Variants in SRPK2 observed in about 807,000 individuals in gnomAD.
SRPK2 encodes SRSF protein kinase 2.
In SRPK2, 21 loss-of-function variants were observed where a neutral mutation model predicts 90.8. The observed-to-expected ratio is 0.23, with a 90% CI of 0.16 to 0.33. The LOEUF (loss-of-function observed/expected upper bound fraction) is 0.33. SRPK2 is among the 10% of genes least tolerant of loss of function. The probability of loss-of-function intolerance (pLI) is 1.00; values close to 1 mark genes in which losing one functional copy is unlikely to be tolerated. For missense variants in SRPK2, 620 were observed against 869.0 expected (o/e 0.71, Z 3.60); for synonymous variants, 288 against 311.1 (o/e 0.93, Z 0.78).
chr7:105,184,892 AG>A (rs1793376322), intron 3 of SRPK2, among the ~76,000 whole-genome samples: 1 of 152,190 alleles, frequency 6.6e-6, no homozygotes, highest in African/African-American at 2.4e-5. Flanking sequence ...ACTTTATGAT[AG>A]TTTTTATATA....
chr7:105,314,628 C>A (rs1748774022), intron 2 of SRPK2, among the ~76,000 whole-genome samples: 1 of 152,178 alleles, frequency 6.6e-6, no homozygotes, highest in East Asian at 1.9e-4. Flanking sequence ...AGGCGATCTG[C>A]CCGCCTTAGC....
At chr7:105,329,551 A>G (rs1026422190) in intron 2 of SRPK2, among the ~76,000 whole-genome samples, 6 of 150,300 alleles carry the variant, frequency 4.0e-5, no homozygotes, top group Non-Finnish European at 7.4e-5. Flanking sequence ...CCGAGATCGC[A>G]CCACCGCACT....
In SRPK2 at chr7:105,190,734, A is replaced by G. The variant is rs73715441; in HGVS notation, c.229+12894T>C. Among the ~76,000 whole-genome samples, 503 of 152,238 alleles carry G rather than the reference A, an allele frequency of 3.3e-3. 2 individuals are homozygous for G. Among genetic ancestry groups the G allele is most frequent in the African/African-American group, 0.011 (468 of 41,538 alleles). On this transcript the variant is annotated intron_variant, in intron 3 of 15. Transcript: ENST00000393651. Reference sequence around the variant, plus strand: ...GGAAGGCTCCAAGGACAAAGGCTAGATATCTCTTTAGGCAAGGTTAAATTC... The same window carrying G: ...GGAAGGCTCCAAGGACAAAGGCTAGGTATCTCTTTAGGCAAGGTTAAATTC...
intron 4 of SRPK2, 64 bp from the exon 5 acceptor site, chr7:105,168,159 T>C: frequency 7.4e-7 from 1 of 1,348,946 alleles, no homozygotes; most frequent in South Asian, 1.3e-5. Flanking sequence ...ATCACTGGTA[T>C]CCAGGTTGAG....
chr7:105,280,771 C>T (rs1807182311), intron 2 of SRPK2, among the ~76,000 whole-genome samples: 1 of 150,632 alleles, frequency 6.6e-6, no homozygotes, highest in Non-Finnish European at 1.5e-5. Flanking sequence ...CACAGTGAAA[C>T]CCCGTCTCTA....
At chr7:105,372,594 C>T (rs773158339) in intron 2 of SRPK2, among the ~76,000 whole-genome samples, 1 of 152,200 alleles carries the variant, frequency 6.6e-6, no homozygotes, top group Non-Finnish European at 1.5e-5. Flanking sequence ...ACTATTCACA[C>T]AAGTTGTACT....
In SRPK2 at chr7:105,116,378, G is replaced by GA. The variant is rs1036236852; in HGVS notation, c.*1459dup. 136 of 143,126 alleles carry GA rather than the reference G, an allele frequency of 9.5e-4. No individual in the cohort carries two copies. Among genetic ancestry groups the GA allele is most frequent in the Middle Eastern group, 7.2e-3 (2 of 276 alleles). The allele number at this position is 143,126 out of a possible 1,614,324, so 8.9% of individuals were successfully genotyped here. A position where few individuals can be genotyped will look rare whatever the true frequency, so the allele number is the denominator to read the frequency against. On this transcript the variant is annotated 3_prime_UTR_variant, in exon 16 of 16. Coordinates refer to ENST00000393651, the MANE Select transcript of SRPK2 (RefSeq NM_182692.3). ...AGGGCAATGACCAAGGCAATGTCTGGAAAAAAAAAAACCAAAACACTTTAA... is the reference window on the plus strand; with the variant it reads ...AGGGCAATGACCAAGGCAATGTCTGGAAAAAAAAAAAACCAAAACACTTTAA...
chr7:105,294,528 T>C (rs1585581294), intron 2 of SRPK2, among the ~76,000 whole-genome samples: 1 of 151,766 alleles, frequency 6.6e-6, no homozygotes, highest in Middle Eastern at 3.4e-3. Flanking sequence ...TTTTGTTTTG[T>C]TTTGTTTTGT....
rs1350692352 is a variant in SRPK2, at chr7:105,323,895, T to C, written c.71+64753A>G. On this transcript the variant is annotated intron_variant, in intron 2 of 15. Transcript: ENST00000393651. The stretch of plus-strand genomic sequence containing the variant: ...CAGATATGAAAGACCAACTCAAGTA[T>C]GCTCAAGAAAAATAAATTTTTGGAA... Among the ~76,000 whole-genome samples the C allele has an allele frequency of 2.6e-5, 4 of 152,022 alleles. No homozygotes were observed. The East Asian group carries it at 7.7e-4, about 29-fold the overall frequency.
chr7:105,359,623 G>A (rs953532563), intron 2 of SRPK2, among the ~76,000 whole-genome samples: 3 of 152,074 alleles, frequency 2.0e-5, no homozygotes, highest in Non-Finnish European at 2.9e-5. Flanking sequence ...CTTCCTCATC[G>A]TCTGGCAGTG....
intron 2 of SRPK2, among the ~76,000 whole-genome samples, chr7:105,280,947 C>CAAAAAAAAAAAAA (rs1158350206): frequency 9.2e-5 from 4 of 43,326 alleles, no homozygotes; most frequent in African/African-American, 3.5e-4. Context: ...GACTCCATCT[C>CAAAAAAAAAAAAA]AAAAAAAAAA....
chr7:105,297,159 T>C (rs373899153), intron 2 of SRPK2, among the ~76,000 whole-genome samples: 1 of 152,196 alleles, frequency 6.6e-6, no homozygotes, highest in African/African-American at 2.4e-5. Context: ...GAAATAAACA[T>C]GGGTCAATTT....
intron 6 of SRPK2, among the ~76,000 whole-genome samples, chr7:105,163,948 A>G (rs751591190): frequency 9.9e-5 from 15 of 152,226 alleles, no homozygotes; most frequent in Non-Finnish European, 1.8e-4. Flanking sequence ...TTTCCACTCA[A>G]TGGGTGCCAA....
intron 2 of SRPK2, among the ~76,000 whole-genome samples, chr7:105,324,981 T>C (rs1813396123): frequency 6.6e-6 from 1 of 152,200 alleles, no homozygotes; most frequent in Non-Finnish European, 1.5e-5. Context: ...TTGCAGAAGG[T>C]ATATTAGAAG....
At chr7:105,242,368 C>T (rs1471969416) in intron 2 of SRPK2, among the ~76,000 whole-genome samples, 1 of 152,088 alleles carries the variant, frequency 6.6e-6, no homozygotes, top group Non-Finnish European at 1.5e-5. Context: ...AAAAGTTATC[C>T]GGGGGTGGTG....
intron 2 of SRPK2, among the ~76,000 whole-genome samples, chr7:105,275,563 G>A (rs1328733618): frequency 6.6e-6 from 1 of 152,070 alleles, no homozygotes; most frequent in Non-Finnish European, 1.5e-5. Flanking sequence ...TCAGTTAATG[G>A]CCTAGGAGCT....
At chr7:105,144,241 A>ATT (rs35535485) in intron 9 of SRPK2, among the ~76,000 whole-genome samples, 81,124 of 116,890 alleles carry the variant, frequency 0.69, 30,328 homozygotes, top group Non-Finnish European at 0.84. Context: ...CACCCGGCTA[A>ATT]TTTTTTTTTT....
chr7:105,284,493 C>T (rs1807794349), intron 2 of SRPK2, among the ~76,000 whole-genome samples: 1 of 152,076 alleles, frequency 6.6e-6, no homozygotes, highest in Non-Finnish European at 1.5e-5. Flanking sequence ...GAAACATAAC[C>T]AACTATACAG....
At chr7:105,321,716 G>A (rs1357214055) in intron 2 of SRPK2, among the ~76,000 whole-genome samples, 1 of 152,032 alleles carries the variant, frequency 6.6e-6, no homozygotes, top group Non-Finnish European at 1.5e-5. Context: ...CATTCATAAG[G>A]AGAATGCAAA....
Sources: gnomAD v4.1 joint callset for allele counts (sites outside exome capture counted in the v4.1 genomes callset) on GRCh38, gnomAD v4.1.1 for gene constraint, MANE v1.5 for transcripts, NCBI Gene and HGNC (gene_info 2026-07-23, HGNC 2026-07-21) for gene names.